Variants in SDCCAG8 observed in about 807,000 individuals in gnomAD.
The protein encoded by SDCCAG8 is SHH signaling and ciliogenesis regulator SDCCAG8.
A neutral mutation model predicts 101.8 loss-of-function variants in SDCCAG8; 74 were observed. The ratio of observed to expected loss-of-function variants is 0.73; its 90% CI spans 0.60 to 0.88. The LOEUF (loss-of-function observed/expected upper bound fraction) is 0.88. Among genes scored for constraint, SDCCAG8 ranks in the 40% least tolerant of loss-of-function variants. The pLI is 0.00. For synonymous variants in SDCCAG8, 281 were observed against 292.9 expected (o/e 0.96, Z 0.41); for missense variants, 787 against 822.6 (o/e 0.96, Z 0.53).
At chr1:243,457,506 A>C (rs928341091) in intron 16 of SDCCAG8, among the ~76,000 whole-genome samples, 1 of 152,218 alleles carries the variant, frequency 6.6e-6, no homozygotes, top group Non-Finnish European at 1.5e-5. Flanking sequence ...CCATATTTGC[A>C]GTGGCTTCCC....
At chr1:243,398,891 A>G (rs897951208) in intron 13 of SDCCAG8, among the ~76,000 whole-genome samples, 2 of 152,230 alleles carry the variant, frequency 1.3e-5, no homozygotes, top group Non-Finnish European at 2.9e-5. Context: ...AGGGATAACA[A>G]GTTGATTGCT....
chr1:243,321,763 C>T (rs2073776414), intron 9 of SDCCAG8, among the ~76,000 whole-genome samples: 1 of 152,136 alleles, frequency 6.6e-6, no homozygotes, highest in African/African-American at 2.4e-5. Context: ...ATTCTTCTGT[C>T]TCAGCCTCCC....
At chr1:243,309,674 A>AT (rs1210405063) in intron 8 of SDCCAG8, among the ~76,000 whole-genome samples, 1 of 151,872 alleles carries the variant, frequency 6.6e-6, no homozygotes, top group Non-Finnish European at 1.5e-5. Context: ...AATTAAAAAA[A>AT]TTTTTTTTGG....
chr1:243,343,946 G>C (rs955056274), intron 11 of SDCCAG8, among the ~76,000 whole-genome samples: 3 of 152,180 alleles, frequency 2.0e-5, no homozygotes, highest in African/African-American at 7.2e-5. Flanking sequence ...AATTGAAACT[G>C]TTATATAAAA....
chr1:243,465,953 C>T (rs777112695), intron 16 of SDCCAG8, among the ~76,000 whole-genome samples: 17 of 152,212 alleles, frequency 1.1e-4, no homozygotes, highest in Admixed American at 5.2e-4. Flanking sequence ...AGATACCGCT[C>T]ATTTTTCCAT....
chr1:243,278,936 C>T (rs2068798244), intron 4 of SDCCAG8, among the ~76,000 whole-genome samples: 1 of 152,018 alleles, frequency 6.6e-6, no homozygotes, highest in African/African-American at 2.4e-5. Context: ...GTGCACACCA[C>T]CATGCTTGGC....
At chr1:243,433,356 G>GAAA (rs914707825) in intron 16 of SDCCAG8, among the ~76,000 whole-genome samples, 1 of 64,980 alleles carries the variant, frequency 1.5e-5, no homozygotes. Context: ...CGTCTCAAAA[G>GAAA]AAAAAAAAAA....
intron 4 of SDCCAG8, among the ~76,000 whole-genome samples, chr1:243,276,105 G>A (rs956717074): frequency 2.0e-5 from 3 of 151,932 alleles, no homozygotes; most frequent in South Asian, 2.1e-4. Flanking sequence ...CTCGTGATCC[G>A]TCCGCCTTGG....
intron 12 of SDCCAG8, among the ~76,000 whole-genome samples, chr1:243,355,869 C>T (rs997732167): frequency 1.3e-5 from 2 of 152,282 alleles, no homozygotes; most frequent in South Asian, 2.1e-4. Context: ...CTCTGCCTTC[C>T]CAAGTGCTGG....
chr1:243,339,381 A>C (rs944407557), intron 10 of SDCCAG8, among the ~76,000 whole-genome samples: 4 of 152,232 alleles, frequency 2.6e-5, no homozygotes, highest in African/African-American at 9.6e-5. Flanking sequence ...CAGAAAAGCT[A>C]TAATTACACA....
In SDCCAG8 at chr1:243,428,742, T is replaced by C. The variant is rs544766066; in HGVS notation, c.1985+2184T>C. ...AGATCATACATGGTACCATCTGCAA[T>C]TGAGAGAAATGTCAAATGTGAAGGT... On this transcript the variant is annotated intron_variant, in intron 16 of 17. Coordinates refer to ENST00000366541, the MANE Select transcript of SDCCAG8 (RefSeq NM_006642.5). Among the ~76,000 whole-genome samples, 6 of 152,330 alleles carry C rather than the reference T, an allele frequency of 3.9e-5. No homozygotes were observed. In the South Asian group the frequency reaches 6.2e-4, roughly 16 times the overall value.
At chr1:243,417,673 T>C (rs1457684582) in intron 14 of SDCCAG8, among the ~76,000 whole-genome samples, 1 of 152,210 alleles carries the variant, frequency 6.6e-6, no homozygotes, top group Non-Finnish European at 1.5e-5. Context: ...TGCAAAGATA[T>C]AAGCATCTAT....
At chr1:243,380,215 T>C (rs1265525984) in intron 13 of SDCCAG8, among the ~76,000 whole-genome samples, 1 of 152,248 alleles carries the variant, frequency 6.6e-6, no homozygotes, top group Non-Finnish European at 1.5e-5. Context: ...TAATAACTGT[T>C]CTTTTAATGC....
At chr1:243,481,503 G>A (rs1164805912) in intron 16 of SDCCAG8, among the ~76,000 whole-genome samples, 2 of 152,212 alleles carry the variant, frequency 1.3e-5, no homozygotes, top group Non-Finnish European at 2.9e-5. Flanking sequence ...TGGGCATTTA[G>A]TAAATGCTCA....
At chr1:243,276,444 G>A (rs530255158) in intron 4 of SDCCAG8, among the ~76,000 whole-genome samples, 128 of 152,218 alleles carry the variant, frequency 8.4e-4, no homozygotes, top group South Asian at 1.5e-3. Flanking sequence ...TGTTTAAGTG[G>A]TTTAGAAAGA....
chr1:243,462,589 T>G (rs1013075791), intron 16 of SDCCAG8, among the ~76,000 whole-genome samples: 1 of 152,212 alleles, frequency 6.6e-6, no homozygotes, highest in Non-Finnish European at 1.5e-5. Context: ...TTGTAGGTGC[T>G]CAGAAAATAT....
chr1:243,278,725 A>G (rs1427788991), intron 4 of SDCCAG8, among the ~76,000 whole-genome samples: 1 of 152,140 alleles, frequency 6.6e-6, no homozygotes, highest in African/African-American at 2.4e-5. Context: ...AACGAAAGAC[A>G]GTGTTATTTT....
chr1:243,494,567 T>C (rs1354068782), intron 17 of SDCCAG8, among the ~76,000 whole-genome samples: 3 of 152,234 alleles, frequency 2.0e-5, no homozygotes, highest in Non-Finnish European at 4.4e-5. Flanking sequence ...GTTTTTTGAC[T>C]GAGCGCCCCG....
intron 16 of SDCCAG8, among the ~76,000 whole-genome samples, chr1:243,476,623 A>C (rs1306003760): frequency 6.6e-6 from 1 of 152,212 alleles, no homozygotes; most frequent in Non-Finnish European, 1.5e-5. Flanking sequence ...CAAGATGGCA[A>C]CTGAACAGGA....
Sources: allele counts gnomAD v4.1 joint callset (sites outside exome capture counted in the v4.1 genomes callset), GRCh38; gene constraint gnomAD v4.1.1; transcripts MANE v1.5; gene names NCBI Gene and HGNC (gene_info 2026-07-23, HGNC 2026-07-21).